VPS13D: variants seen among roughly 807,000 people sequenced by gnomAD.
The protein encoded by VPS13D is vacuolar protein sorting 13 homolog D, also known as intermembrane lipid transfer protein VPS13D.
A neutral mutation model predicts 461.9 loss-of-function variants in VPS13D; 187 were observed. The observed-to-expected ratio is 0.40, with a 90% CI of 0.36 to 0.46. The LOEUF is 0.46. Among genes scored for constraint, VPS13D ranks in the 20% least tolerant of loss-of-function variants. The pLI, the probability that VPS13D is intolerant of heterozygous loss-of-function variation, is 0.60. For missense variants in VPS13D, 4,711 were observed against 5,364.9 expected, an observed-to-expected ratio of 0.88 and a Z score of 3.81; for synonymous variants, 1,951 against 1,986.3, an observed-to-expected ratio of 0.98 and a Z score of 0.47.
chr1:12,358,003 CA>C (rs77316375), intron 49 of VPS13D, among the ~76,000 whole-genome samples: 4,047 of 96,604 alleles, frequency 0.042, 114 homozygotes, highest in Admixed American at 0.16. Context: ...GATTCCACCT[CA>C]AAAAAAAAAA....
In VPS13D at chr1:12,333,273, C is replaced by T. The variant is rs768378625; in HGVS notation, c.8335C>T (p.Gln2779Ter). ...EPWPCSVSWQQQAASRLHPPR... is the reference protein window; with the variant it reads ...EPWPCSVSWQ ...TTGGCCATGCTCTGTATCCTGGCAA[C>T]AGCAGGCAGCTAGTCGTCTCCATCC... Residue 2779 changes from glutamine (Q) to a stop codon, truncating the protein, a stop_gained, in exon 38 of 70, where the codon CAG becomes TAG. Coordinates refer to ENST00000620676, the MANE Select transcript of VPS13D (RefSeq NM_015378.4). LOFTEE classifies it high-confidence loss of function. 2 of 1,614,142 alleles carry T rather than the reference C, an allele frequency of 1.2e-6. No individual in the cohort carries two copies. The highest frequency in any genetic ancestry group is 1.7e-6 in the Non-Finnish European group (2 of 1,179,978).
chr1:12,424,711 A>G (rs550138752), intron 65 of VPS13D, among the ~76,000 whole-genome samples: 2 of 152,340 alleles, frequency 1.3e-5, no homozygotes, highest in African/African-American at 2.4e-5. Context: ...TTTTTGAAAC[A>G]GAAAGAAAAA....
chr1:12,355,450 G>A (rs1213914018), intron 47 of VPS13D, among the ~76,000 whole-genome samples: 2 of 152,162 alleles, frequency 1.3e-5, no homozygotes, highest in Non-Finnish European at 2.9e-5. Context: ...AATTAGAAAC[G>A]ATGAATGTTT....
intron 66 of VPS13D, among the ~76,000 whole-genome samples, chr1:12,459,900 C>T (rs1271297416): frequency 1.3e-5 from 2 of 151,636 alleles, no homozygotes; most frequent in Non-Finnish European, 2.9e-5. Flanking sequence ...GCTGCCCAAG[C>T]TCTGGGATCG....
intron 25 of VPS13D, 26 bp from the exon 26 acceptor site, chr1:12,304,480 T>A (rs759099084): frequency 6.3e-7 from 1 of 1,591,480 alleles, no homozygotes; most frequent in South Asian, 1.1e-5. Flanking sequence ...TTTCCTGCAT[T>A]CTAGTTTTAT....
At chr1:12,413,192 T>G (rs1234491852) in intron 63 of VPS13D, among the ~76,000 whole-genome samples, 3 of 152,176 alleles carry the variant, frequency 2.0e-5, no homozygotes, top group South Asian at 2.1e-4. Flanking sequence ...TTTGTTTTTG[T>G]TTTTGGTCGT....
chr1:12,231,704 A>G (rs1331613933), intron 1 of VPS13D, among the ~76,000 whole-genome samples: 2 of 152,196 alleles, frequency 1.3e-5, no homozygotes, highest in Admixed American at 6.5e-5. Flanking sequence ...AAGTTATAAT[A>G]GTGGCCGGGC....
Position 12,261,161 on chromosome 1 carries a change from GC to G in VPS13D, c.1414+13del. The stretch of plus-strand genomic sequence containing the variant: ...TGAAGAGATCCTGGGTACGGTGGGA[GC>G]TGGCCTTCACTTGATTCAAACAAAT... On this transcript the variant is annotated intron_variant, in intron 12 of 69. Coordinates refer to ENST00000620676, the MANE Select transcript of VPS13D (RefSeq NM_015378.4). The G allele has an allele frequency of 6.2e-7, 1 of 1,613,694 alleles. No homozygotes were observed. The highest frequency in any genetic ancestry group is 8.5e-7 in the Non-Finnish European group (1 of 1,179,706).
In VPS13D at chr1:12,507,071, G is replaced by T. The variant is rs755370064; in HGVS notation, c.13013G>T (p.Gly4338Val). The T allele has an allele frequency of 2.5e-6, 4 of 1,614,188 alleles. No homozygotes were observed. Among genetic ancestry groups the T allele is most frequent in the Non-Finnish European group, 8.5e-7 (1 of 1,180,024 alleles). Residue 4338 changes from glycine (G) to valine (V), a missense_variant, in exon 69 of 70, where the codon GGC becomes GTC. Transcript: ENST00000620676. This position sits in a 1 kb window ranked among gnomAD's most constrained non-coding sequence, Gnocchi z 5.3. ...VSTSSGVSIP[G>V]PSHQKPMVHV... ...ACGAGCAGTGGAGTGTCCATCCCCG[G>T]CCCCTCCCACCAGAAGCCCATGGTG...
In VPS13D at chr1:12,497,613, A is replaced by T; in HGVS notation, c.12776A>T (p.Asp4259Val). 6.2e-7 allele frequency: 1 copy of T among 1,613,728 alleles called. No individual in the cohort carries two copies. The highest frequency in any genetic ancestry group is 8.5e-7 in the Non-Finnish European group (1 of 1,179,918). The change falls in exon 68 of 70, where the codon GAC (aspartate) becomes GTC (valine). Residue 4259 changes from aspartate to valine, a missense_variant. Physicochemically the swap from Asp to Val is radical, Grantham distance 152. Coordinates refer to ENST00000620676, the MANE Select transcript of VPS13D (RefSeq NM_015378.4). ...CAGGAGCAGCTCTTCAAACTCACAG[A>T]CAACATACAGGACGAATTGTAAGTT... ...EGQEQLFKLT[D>V]NIQDEFFIAV...
At chr1:12,239,711 G>A (rs570642702) in intron 2 of VPS13D, among the ~76,000 whole-genome samples, 1 of 152,274 alleles carries the variant, frequency 6.6e-6, no homozygotes, top group African/African-American at 2.4e-5. Flanking sequence ...ACCTGGAGCA[G>A]CGGGAAGAGA....
rs750291557 is a variant in VPS13D, at chr1:12,272,993, A to G, written c.2104-10A>G. The G allele has an allele frequency of 2.5e-6, 4 of 1,612,378 alleles. No homozygotes were observed. The South Asian group carries it at 4.4e-5, about 18-fold the overall frequency. The stretch of plus-strand genomic sequence containing the variant: ...GGCAGTTATGGTTAATGACTGTTTT[A>G]TTTGTACAGGAGGAGAGTAAACGAT... On this transcript the variant is annotated splice_polypyrimidine_tract_variant and intron_variant, in intron 17 of 69. Coordinates refer to ENST00000620676, the MANE Select transcript of VPS13D (RefSeq NM_015378.4).
chr1:12,262,195 T>A, intron 13 of VPS13D, 115 bp downstream of exon 13: 2 of 1,147,266 alleles, frequency 1.7e-6, no homozygotes, highest in Non-Finnish European at 2.4e-6. Flanking sequence ...AAAACTGTAT[T>A]AGCTAATGTG....
At position 12,234,297 on chromosome 1, in the gene VPS13D, A is replaced by C. The variant is rs962977382; in HGVS notation, c.31A>C (p.Asn11His). 1 of 1,614,132 alleles carries C rather than the reference A, an allele frequency of 6.2e-7. No individual in the cohort carries two copies. The highest frequency in any genetic ancestry group is 1.7e-5 in the Admixed American group (1 of 60,022). ...GGAAGGCCTTGTAGCCTGGGTTCTC[A>C]ATACCTATTTGGGAAAATATGTCAA... The part of the protein sequence containing the change: MLEGLVAWVL[N>H]TYLGKYVNNL... Residue 11 changes from asparagine (N) to histidine (H), a missense_variant, in exon 2 of 70, where the codon AAT (asparagine) becomes CAT (histidine). Coordinates refer to ENST00000620676, the MANE Select transcript of VPS13D (RefSeq NM_015378.4).
rs555585360 is a variant in VPS13D, at chr1:12,267,859, C to T, written c.1740C>T (p.Gly580=). Residue 580 remains glycine (G), a synonymous_variant, in exon 15 of 70, where the codon GGC becomes GGT. Coordinates refer to ENST00000620676, the MANE Select transcript of VPS13D (RefSeq NM_015378.4). ...TTGTTTAATAGCAAAAAGAAGTTGG[C>T]AGAGTCTCACAATCTTTTGGTCTAC... The part of the protein sequence containing the change: ...LVFPNPQKEV[G]RVSQSFGLQT... 2 of 1,614,098 alleles carry T rather than the reference C, an allele frequency of 1.2e-6. No homozygotes were observed. Among genetic ancestry groups the T allele is most frequent in the South Asian group, 1.1e-5 (1 of 91,082 alleles).
intron 68 of VPS13D, among the ~76,000 whole-genome samples, chr1:12,501,233 A>G (rs897087444): frequency 4.6e-5 from 7 of 152,296 alleles, no homozygotes; most frequent in Admixed American, 3.9e-4. Context: ...CGCACCATAT[A>G]ATATTGATTC....
intron 1 of VPS13D, among the ~76,000 whole-genome samples, chr1:12,232,637 CTTTTTT>C (rs772757546): frequency 2.7e-4 from 19 of 71,016 alleles, no homozygotes; most frequent in East Asian, 1.2e-3. Context: ...TAAAATTAGT[CTTTTTT>C]TTTTTTTTTT....
In VPS13D at chr1:12,401,870, G is replaced by A. The variant is rs187992276; in HGVS notation, c.11881+166G>A. Among the ~76,000 whole-genome samples the A allele has an allele frequency of 1.1e-4, 17 of 152,342 alleles. No individual in the cohort carries two copies. The East Asian group carries it at 3.3e-3, about 29-fold the overall frequency. ...TGTGTTTCAGTTGTGCTTTTTCAAA[G>A]TATTACTTGTTGTCTGAGTTATCTC... On this transcript the variant is annotated intron_variant, in intron 62 of 69. Transcript: ENST00000620676.
chr1:12,299,490 T>A lies in VPS13D; in HGVS notation c.6216+106T>A. ...TGATCCATAATTGCTATTACTTTTG[T>A]AGGGTATGTGGCTTGAAGAATTTTT... On this transcript the variant is annotated intron_variant, in intron 25 of 69. Coordinates refer to ENST00000620676, the MANE Select transcript of VPS13D (RefSeq NM_015378.4). The surrounding 1 kb of genome is among the most constrained non-coding windows in gnomAD (Gnocchi z 4.2). 2 of 1,338,202 alleles carry A rather than the reference T, an allele frequency of 1.5e-6. No homozygotes were observed. Among genetic ancestry groups the A allele is most frequent in the Non-Finnish European group, 2.0e-6 (2 of 995,702 alleles). The allele number at this position is 1,338,202 out of a possible 1,614,324, so 82.9% of individuals were successfully genotyped here.
Sources: gnomAD v4.1 joint callset for allele counts (sites outside exome capture counted in the v4.1 genomes callset) on GRCh38, gnomAD v4.1.1 for gene constraint, Gnocchi (gnomAD v3.1) non-coding constraint, MANE v1.5 for transcripts, NCBI Gene and HGNC (gene_info 2026-07-23, HGNC 2026-07-21) for gene names.